Variants in AGBL1 observed in about 807,000 individuals in gnomAD.
AGBL1 encodes the protein AGBL carboxypeptidase 1, also known as cytosolic carboxypeptidase 4.
Under a neutral mutation model 118.9 loss-of-function variants are expected in AGBL1, and 130 were observed. That is an observed-to-expected ratio of 1.09 (90% CI 0.95 to 1.26). AGBL1 has a LOEUF of 1.26. AGBL1 is among the 50% of genes most tolerant of loss of function. The probability of loss-of-function intolerance (pLI) is 0.00; values close to 1 mark genes in which losing one functional copy is unlikely to be tolerated. For synonymous variants in AGBL1, 555 were observed against 478.9 expected (o/e 1.16, Z -2.08); for missense variants, 1,584 against 1,298.1 (o/e 1.22, Z -3.38).
chr15:86,949,787 A>G (rs1330799442), intron 23 of AGBL1, among the ~76,000 whole-genome samples: 1 of 152,152 alleles, frequency 6.6e-6, no homozygotes, highest in East Asian at 1.9e-4. Context: ...AATTACAGTA[A>G]TTTATGAGCC....
intron 5 of AGBL1, among the ~76,000 whole-genome samples, chr15:86,218,304 CA>C (rs1294522717): frequency 1.3e-5 from 2 of 152,040 alleles, no homozygotes; most frequent in Non-Finnish European, 2.9e-5. Flanking sequence ...GGTGCATGTT[CA>C]ACTTCTGGGA....
intron 5 of AGBL1, among the ~76,000 whole-genome samples, chr15:86,168,441 C>T (rs1032530276): frequency 2.0e-5 from 3 of 152,174 alleles, no homozygotes; most frequent in Admixed American, 6.5e-5. Flanking sequence ...ATTCCTATTC[C>T]TTAACCCAAT....
At chr15:86,551,387 G>A (rs994055088) in intron 20 of AGBL1, among the ~76,000 whole-genome samples, 3 of 151,846 alleles carry the variant, frequency 2.0e-5, no homozygotes, top group Admixed American at 6.6e-5. Flanking sequence ...ACCAAAATTG[G>A]GATTGAAAGA....
intron 5 of AGBL1, among the ~76,000 whole-genome samples, chr15:86,224,665 A>C (rs1048700912): frequency 6.6e-6 from 1 of 152,120 alleles, no homozygotes; most frequent in Non-Finnish European, 1.5e-5. Flanking sequence ...GGAGGCAAGC[A>C]GGGGAGAGAA....
intron 18 of AGBL1, among the ~76,000 whole-genome samples, chr15:86,458,822 T>C (rs1312620401): frequency 2.0e-5 from 3 of 152,148 alleles, no homozygotes; most frequent in Non-Finnish European, 4.4e-5. Flanking sequence ...TGTAGTTAAG[T>C]GCTATGAAGA....
intron 1 of AGBL1, among the ~76,000 whole-genome samples, chr15:86,104,097 C>A (rs1896891796): frequency 6.6e-6 from 1 of 152,160 alleles, no homozygotes; most frequent in East Asian, 1.9e-4. Context: ...GGACTGTCCT[C>A]AATCCCATGA....
At chr15:87,004,289 G>T (rs1216978403) in intron 24 of AGBL1, among the ~76,000 whole-genome samples, 1 of 151,826 alleles carries the variant, frequency 6.6e-6, no homozygotes, top group Non-Finnish European at 1.5e-5. Context: ...ACAGTGGGGT[G>T]TTAGACTCCC....
At chr15:86,218,789 G>A (rs1336443598) in intron 5 of AGBL1, among the ~76,000 whole-genome samples, 1 of 152,132 alleles carries the variant, frequency 6.6e-6, no homozygotes, top group South Asian at 2.1e-4. Flanking sequence ...CAGTGTCCTT[G>A]GCCTTGGCAC....
intron 22 of AGBL1, among the ~76,000 whole-genome samples, chr15:86,854,552 G>A (rs2079451556): frequency 6.6e-6 from 1 of 152,180 alleles, no homozygotes; most frequent in Non-Finnish European, 1.5e-5. Context: ...TTTGGAGCCA[G>A]TGTTACATGC....
At chr15:86,402,038 G>A (rs925851851) in intron 18 of AGBL1, among the ~76,000 whole-genome samples, 3 of 152,066 alleles carry the variant, frequency 2.0e-5, no homozygotes, top group Admixed American at 2.0e-4. Context: ...ACTGCTTTTG[G>A]CAGCATGGTT....
intron 17 of AGBL1, among the ~76,000 whole-genome samples, chr15:86,341,402 C>T (rs1034265376): frequency 1.3e-5 from 2 of 151,888 alleles, no homozygotes; most frequent in Admixed American, 6.6e-5. Context: ...ACCAACCTAC[C>T]CTGAGGTCAT....
At chr15:86,086,088 C>T (rs1280206570) in intron 1 of AGBL1, among the ~76,000 whole-genome samples, 1 of 152,184 alleles carries the variant, frequency 6.6e-6, no homozygotes, top group Non-Finnish European at 1.5e-5. Context: ...GGCAAATGGC[C>T]AACAGCGACC....
rs1358966875 is a variant in AGBL1, at chr15:86,799,127, G to GT, written c.3159-107957dup. Among the ~76,000 whole-genome samples the GT allele has an allele frequency of 5.9e-5, 9 of 151,428 alleles. No individual in the cohort carries two copies. The East Asian group carries it at 1.7e-3, about 29-fold the overall frequency. Reference sequence around the variant, plus strand: ...AAGACAGTTCTCTCTGGTTCCTTTTGTTTGTATCTGAATGCAATTGTAATT... The same window carrying GT: ...AAGACAGTTCTCTCTGGTTCCTTTTGTTTTGTATCTGAATGCAATTGTAATT... On this transcript the variant is annotated intron_variant, in intron 22 of 22. Coordinates refer to ENST00000614907, the MANE Select transcript of AGBL1 (RefSeq NM_001386094.1).
intron 5 of AGBL1, among the ~76,000 whole-genome samples, chr15:86,213,881 C>G (rs748497278): frequency 6.6e-6 from 1 of 152,126 alleles, no homozygotes; most frequent in Non-Finnish European, 1.5e-5. Flanking sequence ...TTGTTACCCC[C>G]TAAATTCTGT....
At chr15:86,392,687 G>A (rs752105542) in intron 17 of AGBL1, among the ~76,000 whole-genome samples, 6 of 151,972 alleles carry the variant, frequency 3.9e-5, no homozygotes, top group African/African-American at 1.5e-4. Context: ...TATCTCTTAG[G>A]CATTATTCAA....
chr15:86,380,281 T>TC (rs1322576957), intron 17 of AGBL1, among the ~76,000 whole-genome samples: 6 of 148,926 alleles, frequency 4.0e-5, no homozygotes, highest in Non-Finnish European at 8.9e-5. Flanking sequence ...TCCTTCCTTT[T>TC]TTTTTTTTTC....
At chr15:86,567,121 T>A (rs2083928947) in intron 21 of AGBL1, among the ~76,000 whole-genome samples, 1 of 152,234 alleles carries the variant, frequency 6.6e-6, no homozygotes, top group South Asian at 2.1e-4. Context: ...CTATTTTAGA[T>A]AAAGACACTT....
At position 86,907,891 on chromosome 15, in the gene AGBL1, T is replaced by A. The variant is rs749069620; in HGVS notation, c.*597T>A. On this transcript the variant is annotated 3_prime_UTR_variant, in exon 23 of 23. Coordinates refer to ENST00000614907, the MANE Select transcript of AGBL1 (RefSeq NM_001386094.1). ...TCTCAAGCAGCATATATTTTACATA[T>A]GTGGTACAGGCCAGAAGCTGCACTA... 2.0e-5 allele frequency: 3 copies of A among 152,210 alleles called. No individual in the cohort carries two copies. Among genetic ancestry groups the A allele is most frequent in the African/African-American group, 4.8e-5 (2 of 41,450 alleles). The allele number at this position is 152,210 out of a possible 1,614,324, so 9.4% of individuals were successfully genotyped here.
chr15:86,731,678 A>G (rs970591180), intron 22 of AGBL1, among the ~76,000 whole-genome samples: 1 of 152,212 alleles, frequency 6.6e-6, no homozygotes, highest in South Asian at 2.1e-4. Flanking sequence ...TATCATTTTC[A>G]CCTAGAATTT....
Sources: gnomAD v4.1 joint callset for allele counts (sites outside exome capture counted in the v4.1 genomes callset) on GRCh38, gnomAD v4.1.1 for gene constraint, MANE v1.5 for transcripts, NCBI Gene and HGNC (gene_info 2026-07-23, HGNC 2026-07-21) for gene names.